RNF220: variants seen among roughly 807,000 people sequenced by gnomAD.
RNF220 encodes the protein E3 ubiquitin-protein ligase RNF220.
Under a neutral mutation model 67.1 loss-of-function variants are expected in RNF220, and 7 were observed. The observed-to-expected ratio is 0.10, with a 90% CI of 0.06 to 0.20. RNF220 has a LOEUF of 0.20. Ranked by LOEUF, RNF220 falls within the 10% of genes least tolerant of loss-of-function variation. The pLI is 1.00. For synonymous variants in RNF220, 270 were observed against 283.2 expected (o/e 0.95, Z 0.47); for missense variants, 565 against 740.3 (o/e 0.76, Z 2.75).
intron 2 of RNF220, among the ~76,000 whole-genome samples, chr1:44,524,759 C>T (rs1660231662): frequency 6.6e-6 from 1 of 152,204 alleles, no homozygotes; most frequent in African/African-American, 2.4e-5. Context: ...GACCGCTAAT[C>T]GCATTACTGC....
intron 2 of RNF220, among the ~76,000 whole-genome samples, chr1:44,414,997 C>T (rs903710961): frequency 6.7e-6 from 1 of 148,778 alleles, no homozygotes; most frequent in Non-Finnish European, 1.5e-5. Context: ...CTGTGGTCAC[C>T]CTGGAGTTGT....
intron 2 of RNF220, among the ~76,000 whole-genome samples, chr1:44,514,765 G>A (rs1558001440): frequency 6.6e-6 from 1 of 152,196 alleles, no homozygotes; most frequent in Non-Finnish European, 1.5e-5. Context: ...TTATTCACAT[G>A]AGCTCAAGGG....
chr1:44,488,077 C>T (rs963747878), intron 2 of RNF220, among the ~76,000 whole-genome samples: 2 of 151,278 alleles, frequency 1.3e-5, no homozygotes, highest in Admixed American at 1.3e-4. Flanking sequence ...CTCAGGTGAT[C>T]CTTCTGCCTC....
chr1:44,618,830 G>A (rs1643669795), intron 3 of RNF220, among the ~76,000 whole-genome samples: 2 of 152,162 alleles, frequency 1.3e-5, no homozygotes, highest in African/African-American at 4.8e-5. Context: ...GTGGCAGTGG[G>A]GATGCAGAAG....
At position 44,549,507 on chromosome 1, in the gene RNF220, A is replaced by G. The variant is rs1024184149; in HGVS notation, c.626-64658A>G. On this transcript the variant is annotated intron_variant, in intron 2 of 14. Transcript: ENST00000361799. The stretch of plus-strand genomic sequence containing the variant: ...CTAGAATCCTGGTGTTTCCAACAGT[A>G]AGAGGTGTTCACCAGCCAGCAGGTC... Among the ~76,000 whole-genome samples, 9 of 152,222 alleles carry G rather than the reference A, an allele frequency of 5.9e-5. No homozygotes were observed. In the East Asian group the frequency reaches 1.7e-3, roughly 29 times the overall value.
intron 2 of RNF220, among the ~76,000 whole-genome samples, chr1:44,578,913 C>G (rs1252676353): frequency 6.6e-6 from 1 of 152,156 alleles, no homozygotes; most frequent in Non-Finnish European, 1.5e-5. Context: ...CGCCTGTAAT[C>G]CCAGCACTTT....
At chr1:44,444,740 C>T (rs900103301) in intron 2 of RNF220, among the ~76,000 whole-genome samples, 11 of 152,128 alleles carry the variant, frequency 7.2e-5, no homozygotes, top group Non-Finnish European at 1.3e-4. Flanking sequence ...CATGCCCGGC[C>T]TACCTTGATT....
Position 44,412,853 on chromosome 1 carries a change from G to A in RNF220, c.625+131G>A, listed in dbSNP as rs1297945082. ...CAACTACTTCCCTTTCACTAGCTGT[G>A]GAGTGCTAACCTTTGCTTGTCTCTT... On this transcript the variant is annotated intron_variant, in intron 2 of 14. Coordinates refer to ENST00000361799, the MANE Select transcript of RNF220 (RefSeq NM_018150.4). This position sits in a 1 kb window ranked among gnomAD's most constrained non-coding sequence, Gnocchi z 5.3. 2.0e-6 allele frequency: 2 copies of A among 1,020,322 alleles called. No individual in the cohort carries two copies. Among genetic ancestry groups the A allele is most frequent in the Non-Finnish European group, 2.9e-6 (2 of 690,940 alleles). The allele number at this position is 1,020,322 out of a possible 1,614,324, so 63.2% of individuals were successfully genotyped here.
chr1:44,524,429 T>C (rs1423653352), intron 2 of RNF220, among the ~76,000 whole-genome samples: 2 of 152,056 alleles, frequency 1.3e-5, no homozygotes, highest in Non-Finnish European at 2.9e-5. Flanking sequence ...GGCCAACCCC[T>C]TCCTCAACTC....
In RNF220 at chr1:44,412,083, C is replaced by A. The variant is rs1209434232; in HGVS notation, c.-15C>A. The A allele has an allele frequency of 1.3e-6, 2 of 1,595,786 alleles. No homozygotes were observed. Among genetic ancestry groups the A allele is most frequent in the Middle Eastern group, 3.3e-4 (2 of 5,988 alleles). On this transcript the variant is annotated 5_prime_UTR_variant, in exon 2 of 15. Transcript: ENST00000361799. The surrounding 1 kb of genome is among the most constrained non-coding windows in gnomAD (Gnocchi z 5.3). ...ACTGCTTCTTGCGTAACGCCGGCCACAGAAAGAGACTCCGATGGACTTACA... is the reference window on the plus strand; with the variant it reads ...ACTGCTTCTTGCGTAACGCCGGCCAAAGAAAGAGACTCCGATGGACTTACA...
At chr1:44,566,226 C>T (rs1318970828) in intron 2 of RNF220, among the ~76,000 whole-genome samples, 5 of 152,220 alleles carry the variant, frequency 3.3e-5, no homozygotes, top group African/African-American at 1.2e-4. Context: ...CAGCCCCTAA[C>T]TGGATTAGCA....
Position 44,412,070 on chromosome 1 carries a change from G to A in RNF220, c.-28G>A, listed in dbSNP as rs779880417. On this transcript the variant is annotated 5_prime_UTR_variant, in exon 2 of 15. Coordinates refer to ENST00000361799, the MANE Select transcript of RNF220 (RefSeq NM_018150.4). The surrounding 1 kb of genome is among the most constrained non-coding windows in gnomAD (Gnocchi z 5.3). ...CCTCCCAGGGAAGACTGCTTCTTGC[G>A]TAACGCCGGCCACAGAAAGAGACTC... is the stretch of plus-strand genomic sequence containing the variant. 42 of 1,586,298 alleles carry A rather than the reference G, an allele frequency of 2.6e-5. No homozygotes were observed. The highest frequency in any genetic ancestry group is 5.2e-5 in the Admixed American group (3 of 57,464).
At chr1:44,425,319 C>T (rs886839092) in intron 2 of RNF220, among the ~76,000 whole-genome samples, 3 of 152,200 alleles carry the variant, frequency 2.0e-5, no homozygotes, top group Non-Finnish European at 4.4e-5. Flanking sequence ...TTGTGCCTCT[C>T]CCATGGGCCC....
intron 2 of RNF220, among the ~76,000 whole-genome samples, chr1:44,437,541 A>C (rs1159872653): frequency 6.6e-6 from 1 of 152,128 alleles, no homozygotes; most frequent in Non-Finnish European, 1.5e-5. Flanking sequence ...CAATACATTT[A>C]CCATGGTGAC....
At chr1:44,477,805 A>G (rs954402137) in intron 2 of RNF220, among the ~76,000 whole-genome samples, 3 of 152,212 alleles carry the variant, frequency 2.0e-5, no homozygotes, top group Admixed American at 1.3e-4. Context: ...AGCCAAAACA[A>G]TCACAAAACT....
rs1398434615 is a variant in RNF220 at position 44,643,882 on chromosome 1, T to G, written c.1127-816T>G. The G allele has an allele frequency of 2.0e-5, 3 of 153,380 alleles. No individual in the cohort carries two copies. The Admixed American group carries it at 2.0e-4, about 10-fold the overall frequency. The allele number at this position is 153,380 out of a possible 1,614,324, so 9.5% of individuals were successfully genotyped here. On this transcript the variant is annotated intron_variant, in intron 8 of 14. Transcript: ENST00000361799. ...GATGTCAGAGAGATCGCCTGGCAGG[T>G]GAGCAGGCCTGGTGTAGCCCCAGCA... is the stretch of plus-strand genomic sequence containing the variant.
chr1:44,569,560 T>C (rs1664282740), intron 2 of RNF220, among the ~76,000 whole-genome samples: 1 of 152,232 alleles, frequency 6.6e-6, no homozygotes, highest in Admixed American at 6.5e-5. Flanking sequence ...TGTTCTTAAA[T>C]GTGGAGACAG....
intron 2 of RNF220, chr1:44,423,795 CAA>C (rs1649465531): frequency 4.1e-6 from 4 of 977,846 alleles, no homozygotes; most frequent in East Asian, 1.1e-4. Flanking sequence ...AGTTTCTTGG[CAA>C]AGTTTCCTCT....
chr1:44,478,934 A>T (rs1655534535), intron 2 of RNF220, among the ~76,000 whole-genome samples: 1 of 151,834 alleles, frequency 6.6e-6, no homozygotes, highest in Non-Finnish European at 1.5e-5. Context: ...CTTGGACATC[A>T]CCCATGGACA....
Sources: allele counts gnomAD v4.1 joint callset (sites outside exome capture counted in the v4.1 genomes callset), GRCh38; gene constraint gnomAD v4.1.1; non-coding constraint Gnocchi (gnomAD v3.1); transcripts MANE v1.5; gene names NCBI Gene and HGNC (gene_info 2026-07-23, HGNC 2026-07-21).